Variants in PIBF1 observed in about 807,000 individuals in gnomAD.
PIBF1 encodes the protein progesterone immunomodulatory binding factor 1, also known as progesterone-induced-blocking factor 1.
A neutral mutation model predicts 112.5 loss-of-function variants in PIBF1; 90 were observed. The observed-to-expected ratio is 0.80, with a 90% CI of 0.67 to 0.95. The LOEUF is 0.95. Ranked by LOEUF, PIBF1 falls within the 40% of genes least tolerant of loss-of-function variation. The pLI is 0.00. For synonymous variants in PIBF1, 301 were observed against 288.6 expected (o/e 1.04, Z -0.44); for missense variants, 915 against 852.3 (o/e 1.07, Z -0.92).
Position 72,834,829 on chromosome 13 carries a change from C to T in PIBF1, c.1098-414C>T, listed in dbSNP as rs541751123. Reference sequence around the variant, plus strand: ...TTGGAAGCAAAGGATTCATAGACTCCGAGTCATTTCATTTTTATATTTTTG... The same window carrying T: ...TTGGAAGCAAAGGATTCATAGACTCTGAGTCATTTCATTTTTATATTTTTG... On this transcript the variant is annotated intron_variant, in intron 8 of 17. Coordinates refer to ENST00000326291, the MANE Select transcript of PIBF1 (RefSeq NM_006346.4). Among the ~76,000 whole-genome samples, 25 of 152,136 alleles carry T rather than the reference C, an allele frequency of 1.6e-4. No individual in the cohort carries two copies. The South Asian group carries it at 2.3e-3, about 14-fold the overall frequency.
intron 6 of PIBF1, 132 bp downstream of exon 6, chr13:72,822,114 T>C: frequency 2.7e-6 from 2 of 732,560 alleles, no homozygotes; most frequent in Non-Finnish European, 4.2e-6. Flanking sequence ...GCATGCAGTT[T>C]TGGCAGTTTG....
intron 10 of PIBF1, among the ~76,000 whole-genome samples, chr13:72,882,189 G>A (rs1287025119): frequency 6.6e-6 from 1 of 152,050 alleles, no homozygotes; most frequent in Non-Finnish European, 1.5e-5. Context: ...CATACATTGG[G>A]GAAAGGACAG....
intron 14 of PIBF1, among the ~76,000 whole-genome samples, chr13:72,933,458 T>C (rs1172063649): frequency 2.0e-5 from 3 of 152,166 alleles, no homozygotes; most frequent in Non-Finnish European, 4.4e-5. Flanking sequence ...GGTCAAGAGT[T>C]CAAGACCAGC....
intron 9 of PIBF1, among the ~76,000 whole-genome samples, chr13:72,845,012 G>T (rs1347153031): frequency 1.3e-5 from 2 of 152,000 alleles, no homozygotes; most frequent in South Asian, 2.1e-4. Flanking sequence ...TGATACAAAT[G>T]CAGAACATGT....
intron 13 of PIBF1, among the ~76,000 whole-genome samples, chr13:72,924,370 A>T (rs2041407002): frequency 6.6e-6 from 1 of 151,684 alleles, no homozygotes; most frequent in Non-Finnish European, 1.5e-5. Context: ...GCAACTTCGG[A>T]GTATGGTTTC....
chr13:72,946,857 T>C (rs927711349), intron 14 of PIBF1, among the ~76,000 whole-genome samples: 1 of 152,218 alleles, frequency 6.6e-6, no homozygotes, highest in Non-Finnish European at 1.5e-5. Context: ...CTTTGCATGG[T>C]TCAGCCCTGC....
chr13:72,868,753 G>A (rs767633659), intron 10 of PIBF1, among the ~76,000 whole-genome samples: 11 of 150,882 alleles, frequency 7.3e-5, no homozygotes, highest in Non-Finnish European at 1.6e-4. Context: ...GGAGGCCATG[G>A]TGGGAGGATC....
chr13:72,976,882 A>T (rs1264908237), intron 16 of PIBF1, among the ~76,000 whole-genome samples: 6 of 152,144 alleles, frequency 3.9e-5, no homozygotes, highest in Non-Finnish European at 8.8e-5. Context: ...GAAAATGAAA[A>T]TCAGGGCTGG....
At chr13:72,976,074 G>C (rs988483911) in intron 16 of PIBF1, among the ~76,000 whole-genome samples, 1 of 152,158 alleles carries the variant, frequency 6.6e-6, no homozygotes, top group African/African-American at 2.4e-5. Flanking sequence ...GTGGTGGATT[G>C]AGAAGAAAAT....
Position 72,813,665 on chromosome 13 carries a change from G to T in PIBF1, c.673-8184G>T, listed in dbSNP as rs148165783. Among the ~76,000 whole-genome samples the T allele has an allele frequency of 3.0e-3, 457 of 152,288 alleles. 1 individual carries two copies. The highest frequency in any genetic ancestry group is 9.9e-3 in the African/African-American group (412 of 41,566). On this transcript the variant is annotated intron_variant, in intron 5 of 17. Transcript: ENST00000326291. ...AGCATGGCAGCTGGCCACCTCCAAA[G>T]CAAATATTCAAGAAACTCAGGCGAA...
intron 11 of PIBF1, among the ~76,000 whole-genome samples, chr13:72,898,844 A>G (rs1000370876): frequency 6.8e-6 from 1 of 147,814 alleles, no homozygotes; most frequent in Non-Finnish European, 1.5e-5. Context: ...GCGAAACTCC[A>G]TCTCAGAAAA....
At chr13:72,978,183 G>A (rs185591392) in intron 16 of PIBF1, among the ~76,000 whole-genome samples, 1 of 152,294 alleles carries the variant, frequency 6.6e-6, no homozygotes, top group East Asian at 1.9e-4. Flanking sequence ...TTAAAGAACA[G>A]TTTAATGTCA....
chr13:72,838,946 G>A (rs977584462), intron 9 of PIBF1, among the ~76,000 whole-genome samples: 13 of 152,208 alleles, frequency 8.5e-5, no homozygotes, highest in African/African-American at 2.9e-4. Flanking sequence ...ATGGCTGAAG[G>A]ATAGACTGAG....
At chr13:72,832,144 T>C (rs2138188608) in intron 8 of PIBF1, among the ~76,000 whole-genome samples, 1 of 148,326 alleles carries the variant, frequency 6.7e-6, no homozygotes, top group Admixed American at 6.8e-5. Context: ...TCCCTTTATT[T>C]TGAGCCTATA....
intron 11 of PIBF1, among the ~76,000 whole-genome samples, chr13:72,894,612 A>G (rs1413151462): frequency 6.6e-6 from 1 of 151,650 alleles, no homozygotes; most frequent in Non-Finnish European, 1.5e-5. Context: ...ATCAGTAGGG[A>G]AAGTATGGAT....
chr13:72,962,650 A>G (rs1374134245), intron 14 of PIBF1, among the ~76,000 whole-genome samples: 2 of 152,098 alleles, frequency 1.3e-5, no homozygotes, highest in Admixed American at 1.3e-4. Flanking sequence ...AATGGACACA[A>G]GACATCCCAT....
intron 8 of PIBF1, among the ~76,000 whole-genome samples, chr13:72,834,568 A>G (rs9573042): frequency 0.28 from 41,979 of 152,084 alleles, 6,883 homozygotes; most frequent in East Asian, 0.47. Flanking sequence ...TCGGGGTTAC[A>G]TGATTGTGCC....
intron 16 of PIBF1, among the ~76,000 whole-genome samples, chr13:72,975,423 C>T (rs1331109181): frequency 6.6e-6 from 1 of 151,906 alleles, no homozygotes; most frequent in Admixed American, 6.6e-5. Context: ...GAGAGGTATA[C>T]CAGATGTTGG....
intron 17 of PIBF1, among the ~76,000 whole-genome samples, chr13:73,002,950 T>A (rs1405958098): frequency 1.8e-5 from 2 of 114,148 alleles, no homozygotes; most frequent in Non-Finnish European, 3.3e-5. Flanking sequence ...GCCTCCACAC[T>A]CCAGCCTGGA....
Sources: gnomAD v4.1 joint callset for allele counts (sites outside exome capture counted in the v4.1 genomes callset) on GRCh38, gnomAD v4.1.1 for gene constraint, MANE v1.5 for transcripts, NCBI Gene and HGNC (gene_info 2026-07-23, HGNC 2026-07-21) for gene names.